Variants in CREB5 observed in about 807,000 individuals in gnomAD.
CREB5 encodes cyclic AMP-responsive element-binding protein 5.
In CREB5, 19 loss-of-function variants were observed where a neutral mutation model predicts 57.1. That is an observed-to-expected ratio of 0.33 (90% CI 0.23 to 0.49). The LOEUF (loss-of-function observed/expected upper bound fraction) is 0.49, where lower values mean the gene tolerates loss of function less well. Among genes scored for constraint, CREB5 ranks in the 20% least tolerant of loss-of-function variants. The pLI is 0.99. For synonymous variants in CREB5, 238 were observed against 238.3 expected (o/e 1.00, Z 0.01); for missense variants, 579 against 671.6 (o/e 0.86, Z 1.52).
At chr7:28,745,131 C>A (rs1804619251) in intron 7 of CREB5, among the ~76,000 whole-genome samples, 1 of 152,212 alleles carries the variant, frequency 6.6e-6, no homozygotes, top group Non-Finnish European at 1.5e-5. Flanking sequence ...TTGCTCCACG[C>A]TGGTCCTTGC....
chr7:28,335,496 A>T (rs1405940218), intron 1 of CREB5, among the ~76,000 whole-genome samples: 1 of 151,598 alleles, frequency 6.6e-6, no homozygotes, highest in Non-Finnish European at 1.5e-5. Context: ...TTTTTTTCAG[A>T]TTGATTGCCG....
chr7:28,677,350 A>G (rs1175253170), intron 5 of CREB5, among the ~76,000 whole-genome samples: 1 of 152,102 alleles, frequency 6.6e-6, no homozygotes, highest in Non-Finnish European at 1.5e-5. Context: ...ACCTTGACCT[A>G]TATAATCTCC....
intron 6 of CREB5, among the ~76,000 whole-genome samples, chr7:28,723,626 A>G (rs571598343): frequency 1.3e-5 from 2 of 152,308 alleles, no homozygotes; most frequent in Non-Finnish European, 2.9e-5. Flanking sequence ...GCTGGATCAC[A>G]ATGATTGTGT....
intron 1 of CREB5, among the ~76,000 whole-genome samples, chr7:28,331,406 CTTA>C (rs1264263812): frequency 6.6e-6 from 1 of 152,020 alleles, no homozygotes; most frequent in Admixed American, 6.6e-5. Flanking sequence ...TATACCTGTG[CTTA>C]TTATATAAAA....
intron 7 of CREB5, among the ~76,000 whole-genome samples, chr7:28,725,651 A>T (rs1803291756): frequency 6.6e-6 from 1 of 151,388 alleles, no homozygotes; most frequent in Non-Finnish European, 1.5e-5. Context: ...TTTTTAAAAA[A>T]AAAAAAAAAA....
intron 5 of CREB5, among the ~76,000 whole-genome samples, chr7:28,597,287 G>A (rs1796721618): frequency 6.6e-6 from 1 of 152,168 alleles, no homozygotes; most frequent in Non-Finnish European, 1.5e-5. Context: ...TTAGCCACCA[G>A]GAGCAGCCAT....
chr7:28,776,337 C>A (rs1037726028), intron 7 of CREB5, among the ~76,000 whole-genome samples: 441 of 114,272 alleles, frequency 3.9e-3, no homozygotes, highest in East Asian at 6.9e-3. Flanking sequence ...GACTCTGTCT[C>A]AAAAAAAAAA....
chr7:28,378,291 C>T (rs1258795493), intron 1 of CREB5, among the ~76,000 whole-genome samples: 1 of 64,452 alleles, frequency 1.6e-5, no homozygotes, highest in Non-Finnish European at 3.2e-5. Context: ...ACTTTCAACT[C>T]CTGGGATTTT....
chr7:28,408,752 T>C (rs1406182729), upstream of CREB5, among the ~76,000 whole-genome samples: 1 of 151,990 alleles, frequency 6.6e-6, no homozygotes, highest in Non-Finnish European at 1.5e-5. Flanking sequence ...GTTATTCTCC[T>C]GGAGGAGGTG....
chr7:28,396,802 A>G (rs1177285566), intron 1 of CREB5, among the ~76,000 whole-genome samples: 3 of 152,216 alleles, frequency 2.0e-5, no homozygotes, highest in Non-Finnish European at 4.4e-5. Context: ...AAATAAAGCC[A>G]TAAGTTCTGA....
intron 5 of CREB5, among the ~76,000 whole-genome samples, chr7:28,603,092 G>A (rs577945419): frequency 2.0e-5 from 3 of 152,116 alleles, no homozygotes; most frequent in Non-Finnish European, 4.4e-5. Flanking sequence ...TTTTAACTTG[G>A]TTGATTTCCA....
intron 4 of CREB5, among the ~76,000 whole-genome samples, chr7:28,560,877 T>TGTGCGCGCGCGCGTGC (rs1554344364): frequency 3.2e-5 from 1 of 30,860 alleles, no homozygotes; most frequent in Non-Finnish European, 5.7e-5. Context: ...TGCGTGCGCG[T>TGTGCGCGCGCGCGTGC]GCGTGCGTGC....
At chr7:28,520,923 G>T (rs1175539038) in intron 4 of CREB5, among the ~76,000 whole-genome samples, 1 of 152,214 alleles carries the variant, frequency 6.6e-6, no homozygotes, top group East Asian at 1.9e-4. Flanking sequence ...ACCATATGCT[G>T]ATTTTTTTGC....
At chr7:28,595,448 G>A (rs184264800) in intron 5 of CREB5, among the ~76,000 whole-genome samples, 18 of 152,178 alleles carry the variant, frequency 1.2e-4, no homozygotes, top group Admixed American at 5.9e-4. Flanking sequence ...GTCAATGATC[G>A]AATTTGAAAT....
chr7:28,637,722 A>T (rs949119280), intron 5 of CREB5, among the ~76,000 whole-genome samples: 1 of 152,340 alleles, frequency 6.6e-6, no homozygotes, highest in African/African-American at 2.4e-5. Flanking sequence ...TAGTCTGTGA[A>T]TTGAGGGTGT....
chr7:28,817,307 C>G (rs1016810632), intron 9 of CREB5, among the ~76,000 whole-genome samples: 1 of 152,190 alleles, frequency 6.6e-6, no homozygotes, highest in Non-Finnish European at 1.5e-5. Flanking sequence ...ATACCTCCTG[C>G]TCAGTGGGCA....
At chr7:28,305,845 A>G (rs1785172086) in intron 1 of CREB5, among the ~76,000 whole-genome samples, 1 of 152,186 alleles carries the variant, frequency 6.6e-6, no homozygotes, top group Admixed American at 6.5e-5. Flanking sequence ...ACAGAAGTAT[A>G]TAAAGTTTGC....
intron 1 of CREB5, among the ~76,000 whole-genome samples, chr7:28,393,806 G>A (rs772704428): frequency 1.3e-5 from 2 of 152,146 alleles, no homozygotes; most frequent in Non-Finnish European, 2.9e-5. Context: ...TGGGCGCGGT[G>A]GCTCACGCCT....
At chr7:28,678,807 C>A (rs938592101) in intron 5 of CREB5, among the ~76,000 whole-genome samples, 11 of 152,326 alleles carry the variant, frequency 7.2e-5, no homozygotes, top group African/African-American at 2.4e-4. Context: ...AAATTCTTCT[C>A]ATCCCCTCCG....
Sources: gnomAD v4.1 joint callset for allele counts (sites outside exome capture counted in the v4.1 genomes callset) on GRCh38, gnomAD v4.1.1 for gene constraint, MANE v1.5 for transcripts, NCBI Gene and HGNC (gene_info 2026-07-23, HGNC 2026-07-21) for gene names.